The following GRM7 variants were observed in gnomAD, a reference collection of about 807,000 sequenced individuals.
The protein encoded by GRM7 is metabotropic glutamate receptor 7.
In GRM7, 35 loss-of-function variants were observed where a neutral mutation model predicts 84.5. The ratio of observed to expected loss-of-function variants is 0.41; its 90% CI spans 0.32 to 0.55. GRM7 has a LOEUF of 0.55. Ranked by LOEUF, GRM7 falls within the 20% of genes least tolerant of loss-of-function variation. GRM7 has a pLI of 0.19. For missense variants in GRM7, 1,003 were observed against 1,194.6 expected (o/e 0.84, Z 2.36); for synonymous variants, 487 against 455.1 (o/e 1.07, Z -0.89).
intron 2 of GRM7, among the ~76,000 whole-genome samples, chr3:7,276,207 A>ATGTGTGTGTG (rs923161861): frequency 1.0e-5 from 1 of 96,666 alleles, no homozygotes; most frequent in Non-Finnish European, 2.1e-5. Context: ...ATATATATAT[A>ATGTGTGTGTG]TGTGTGTGTG....
intron 2 of GRM7, among the ~76,000 whole-genome samples, chr3:7,152,365 T>C (rs747030464): frequency 1.3e-5 from 2 of 152,216 alleles, no homozygotes; most frequent in Non-Finnish European, 2.9e-5. Flanking sequence ...TTCTAAAACA[T>C]AAATAAAGTC....
rs187744958 is a variant in GRM7, at chr3:7,020,085, G to C, written c.520-126367G>C. 1.3e-3 allele frequency among the ~76,000 whole-genome samples: 199 copies of C among 152,272 alleles called. 4 individuals carry two copies. The East Asian group carries it at 0.029, about 22-fold the overall frequency. On this transcript the variant is annotated intron_variant, in intron 1 of 9. Transcript: ENST00000357716. Reference sequence around the variant, plus strand: ...GATGGTCTTGATCTCTTGACCTCGTGATTTGCCCGCCTCAGCATCCCAAAG... The same window carrying C: ...GATGGTCTTGATCTCTTGACCTCGTCATTTGCCCGCCTCAGCATCCCAAAG...
chr3:7,457,785 C>G (rs1260848840), intron 6 of GRM7, among the ~76,000 whole-genome samples: 1 of 152,108 alleles, frequency 6.6e-6, no homozygotes, highest in Non-Finnish European at 1.5e-5. Flanking sequence ...CTTAGATGCC[C>G]CACTGATGGG....
intron 4 of GRM7, among the ~76,000 whole-genome samples, chr3:7,366,657 A>G (rs1001995439): frequency 3.9e-5 from 6 of 152,034 alleles, no homozygotes; most frequent in African/African-American, 9.6e-5. Flanking sequence ...GAAAGTTCCT[A>G]CAGTGTCACT....
chr3:7,415,809 C>T (rs1196991347), intron 5 of GRM7, among the ~76,000 whole-genome samples: 2 of 152,112 alleles, frequency 1.3e-5, no homozygotes, highest in Non-Finnish European at 2.9e-5. Context: ...AGAATCCTCC[C>T]TCTATGTTGC....
At chr3:7,666,390 G>T (rs1354256663) in intron 8 of GRM7, among the ~76,000 whole-genome samples, 2 of 152,170 alleles carry the variant, frequency 1.3e-5, no homozygotes, top group Admixed American at 1.3e-4. Context: ...AACATAGCCA[G>T]GCCAGATACT....
intron 7 of GRM7, among the ~76,000 whole-genome samples, chr3:7,532,803 C>CAAAAAAAA (rs36040168): frequency 2.8e-5 from 2 of 70,626 alleles, no homozygotes; most frequent in African/African-American, 6.1e-5. Flanking sequence ...AAAGGGAAAG[C>CAAAAAAAA]AAAAAAAAAA....
chr3:7,304,822 C>T (rs1700132884), intron 3 of GRM7, among the ~76,000 whole-genome samples: 1 of 151,536 alleles, frequency 6.6e-6, no homozygotes, highest in Admixed American at 6.6e-5. Flanking sequence ...TTTTTTTTCC[C>T]ATATATTATC....
At chr3:6,903,574 A>G (rs1696470023) in intron 1 of GRM7, among the ~76,000 whole-genome samples, 1 of 152,166 alleles carries the variant, frequency 6.6e-6, no homozygotes, top group African/African-American at 2.4e-5. Flanking sequence ...GCTGTTCTCA[A>G]CATTTCACTT....
chr3:7,246,530 C>T (rs1412294350), intron 2 of GRM7, among the ~76,000 whole-genome samples: 1 of 152,086 alleles, frequency 6.6e-6, no homozygotes, highest in East Asian at 1.9e-4. Context: ...GATGAAAATT[C>T]CTGGATGGCT....
intron 2 of GRM7, among the ~76,000 whole-genome samples, chr3:7,235,947 A>G (rs752792497): frequency 2.0e-5 from 3 of 152,212 alleles, no homozygotes; most frequent in Non-Finnish European, 4.4e-5. Context: ...TAATTTACAA[A>G]CAACAGGCAT....
chr3:7,574,391 C>T (rs1339632413), intron 7 of GRM7, among the ~76,000 whole-genome samples: 1 of 152,138 alleles, frequency 6.6e-6, no homozygotes, highest in Admixed American at 6.6e-5. Flanking sequence ...AATTCCTGAC[C>T]TCGTGATCCA....
chr3:7,666,337 G>C (rs1699700733), intron 8 of GRM7, among the ~76,000 whole-genome samples: 1 of 152,170 alleles, frequency 6.6e-6, no homozygotes, highest in Non-Finnish European at 1.5e-5. Flanking sequence ...AGAATGCCAG[G>C]ATAGATAAGT....
At chr3:7,214,063 T>G (rs1292390238) in intron 2 of GRM7, among the ~76,000 whole-genome samples, 4 of 152,032 alleles carry the variant, frequency 2.6e-5, no homozygotes, top group African/African-American at 9.7e-5. Context: ...CTGAAAAATT[T>G]TATTTAATGT....
chr3:7,134,148 T>A (rs878959933), intron 1 of GRM7, among the ~76,000 whole-genome samples: 4 of 152,146 alleles, frequency 2.6e-5, no homozygotes, highest in Admixed American at 2.6e-4. Flanking sequence ...CTGTGATGTG[T>A]CTTGGGATCG....
intron 7 of GRM7, among the ~76,000 whole-genome samples, chr3:7,540,879 G>A (rs537842979): frequency 6.6e-6 from 1 of 152,200 alleles, no homozygotes; most frequent in Admixed American, 6.5e-5. Context: ...CAGTAAAAAG[G>A]AAAGAATGAT....
chr3:6,877,997 T>C (rs1413492790), intron 1 of GRM7, among the ~76,000 whole-genome samples: 1 of 152,012 alleles, frequency 6.6e-6, no homozygotes, highest in Admixed American at 6.6e-5. Context: ...TCTACAGATA[T>C]ATTTGCTGAA....
At chr3:7,268,416 A>C (rs995559914) in intron 2 of GRM7, among the ~76,000 whole-genome samples, 1 of 152,168 alleles carries the variant, frequency 6.6e-6, no homozygotes, top group Admixed American at 6.6e-5. Flanking sequence ...TGATTGAGCC[A>C]CTGCACTCCA....
chr3:7,282,225 G>A (rs1212265221), intron 2 of GRM7, among the ~76,000 whole-genome samples: 2 of 152,150 alleles, frequency 1.3e-5, no homozygotes, highest in African/African-American at 4.8e-5. Flanking sequence ...ACAATCAATG[G>A]CTTAAAATAA....
Sources: allele counts gnomAD v4.1 joint callset (sites outside exome capture counted in the v4.1 genomes callset), GRCh38; gene constraint gnomAD v4.1.1; transcripts MANE v1.5; gene names NCBI Gene and HGNC (gene_info 2026-07-23, HGNC 2026-07-21).